UBE2E1: variants seen among roughly 807,000 people sequenced by gnomAD.
UBE2E1 encodes ubiquitin-conjugating enzyme E2 E1.
A neutral mutation model predicts 21.4 loss-of-function variants in UBE2E1; 6 were observed. The observed-to-expected ratio is 0.28, with a 90% CI of 0.15 to 0.55. The LOEUF (loss-of-function observed/expected upper bound fraction) is 0.55. Among genes scored for constraint, UBE2E1 ranks in the 20% least tolerant of loss-of-function variants. UBE2E1 has a pLI of 0.93. For synonymous variants in UBE2E1, 87 were observed against 82.7 expected (o/e 1.05, Z -0.28); for missense variants, 142 against 236.5 (o/e 0.60, Z 2.62).
intron 3 of UBE2E1, among the ~76,000 whole-genome samples, chr3:23,822,629 G>T (rs946131735): frequency 1.3e-5 from 2 of 152,112 alleles, no homozygotes; most frequent in Non-Finnish European, 2.9e-5. Context: ...TTCAAGACTT[G>T]GTTTGAAATT....
intron 3 of UBE2E1, among the ~76,000 whole-genome samples, chr3:23,824,065 G>A (rs1399220867): frequency 2.0e-5 from 3 of 152,230 alleles, no homozygotes; most frequent in Admixed American, 2.0e-4. Flanking sequence ...ATTTGAAGTT[G>A]TTGCCATTTT....
chr3:23,810,450 C>G lies in UBE2E1; in HGVS notation c.153-1010C>G. 6.5e-7 allele frequency: 1 copy of G among 1,535,618 alleles called. No individual in the cohort carries two copies. The highest frequency in any genetic ancestry group is 8.7e-7 in the Non-Finnish European group (1 of 1,146,606). ...AGAAAACTGCAGGTCTCCAGTCTAT[C>G]CCCAGTGTGAGCTAGAGAGCGGACC... On this transcript the variant is annotated intron_variant, in intron 2 of 5. Coordinates refer to ENST00000306627, the MANE Select transcript of UBE2E1 (RefSeq NM_003341.5). The surrounding 1 kb of genome is among the most constrained non-coding windows in gnomAD (Gnocchi z 5.8).
chr3:23,884,289 C>CA (rs1454977606), intron 3 of UBE2E1, among the ~76,000 whole-genome samples: 1 of 152,170 alleles, frequency 6.6e-6, no homozygotes, highest in Non-Finnish European at 1.5e-5. Flanking sequence ...GATAAGCTAT[C>CA]ACAGGTGACA....
intron 3 of UBE2E1, among the ~76,000 whole-genome samples, chr3:23,849,388 G>A (rs936652378): frequency 6.6e-6 from 1 of 152,120 alleles, no homozygotes; most frequent in African/African-American, 2.4e-5. Context: ...TGTGCAGAAT[G>A]TGCAGGTTTG....
intron 3 of UBE2E1, among the ~76,000 whole-genome samples, chr3:23,877,662 TG>T (rs984285050): frequency 6.6e-6 from 1 of 152,058 alleles, no homozygotes; most frequent in African/African-American, 2.4e-5. Flanking sequence ...TATGGGTGTT[TG>T]GGGGGGTTTG....
intron 3 of UBE2E1, among the ~76,000 whole-genome samples, chr3:23,865,964 C>T (rs1482375905): frequency 3.3e-5 from 5 of 152,142 alleles, no homozygotes; most frequent in Admixed American, 6.5e-5. Flanking sequence ...TTGTCTACTG[C>T]TCAGCTAGAA....
intron 3 of UBE2E1, among the ~76,000 whole-genome samples, chr3:23,832,393 C>T (rs933769415): frequency 1.3e-5 from 2 of 152,106 alleles, no homozygotes; most frequent in African/African-American, 4.8e-5. Context: ...GCCTGTAATC[C>T]CAGCACTTTG....
intron 3 of UBE2E1, among the ~76,000 whole-genome samples, chr3:23,834,039 A>G (rs561293308): frequency 6.6e-6 from 1 of 152,348 alleles, no homozygotes; most frequent in Non-Finnish European, 1.5e-5. Context: ...CAACAGTGCA[A>G]AAAAGCCTTA....
intron 4 of UBE2E1, among the ~76,000 whole-genome samples, chr3:23,888,016 A>G (rs894532681): frequency 1.3e-5 from 2 of 152,172 alleles, no homozygotes; most frequent in Non-Finnish European, 2.9e-5. Flanking sequence ...GAGGTTAAAA[A>G]TGGTGTCAAG....
At chr3:23,862,427 T>C (rs1700577346) in intron 3 of UBE2E1, among the ~76,000 whole-genome samples, 1 of 152,224 alleles carries the variant, frequency 6.6e-6, no homozygotes, top group African/African-American at 2.4e-5. Context: ...CAGTTTTCCA[T>C]AGAATACATT....
At chr3:23,890,100 T>C (rs1164428750) in intron 5 of UBE2E1, among the ~76,000 whole-genome samples, 1 of 152,162 alleles carries the variant, frequency 6.6e-6, no homozygotes, top group African/African-American at 2.4e-5. Context: ...CCCCGAAGAC[T>C]TCACAGTATT....
At chr3:23,824,157 A>T (rs997165513) in intron 3 of UBE2E1, among the ~76,000 whole-genome samples, 1 of 152,176 alleles carries the variant, frequency 6.6e-6, no homozygotes, top group Non-Finnish European at 1.5e-5. Flanking sequence ...ATTTACCTGT[A>T]TTGGGAGGAA....
At chr3:23,807,578 T>C in intron 2 of UBE2E1, 157 bp downstream of exon 2, 1 of 864,058 alleles carries the variant, frequency 1.2e-6, no homozygotes, top group Non-Finnish European at 1.6e-6. Context: ...TTATTTTCTC[T>C]ATTGCTGCTT....
chr3:23,837,884 C>T (rs752910168), intron 3 of UBE2E1, among the ~76,000 whole-genome samples: 13 of 152,200 alleles, frequency 8.5e-5, no homozygotes, highest in Non-Finnish European at 1.6e-4. Context: ...GAAATCTTGA[C>T]CATGCTGTTG....
chr3:23,852,055 G>A (rs572093678), intron 3 of UBE2E1, among the ~76,000 whole-genome samples: 1 of 152,274 alleles, frequency 6.6e-6, no homozygotes, highest in Non-Finnish European at 1.5e-5. Flanking sequence ...TTCCTGTCAT[G>A]TCACATGCCT....
chr3:23,839,259 C>G (rs1303178341), intron 3 of UBE2E1, among the ~76,000 whole-genome samples: 1 of 151,822 alleles, frequency 6.6e-6, no homozygotes, highest in Non-Finnish European at 1.5e-5. Flanking sequence ...GTCAGGAGAT[C>G]GAGACCATCC....
chr3:23,845,137 G>A lies in UBE2E1; in HGVS notation c.203+33627G>A, dbSNP rs114042115. 2.8e-3 allele frequency among the ~76,000 whole-genome samples: 423 copies of A among 152,214 alleles called. 2 individuals carry two copies. The highest frequency in any genetic ancestry group is 9.5e-3 in the African/African-American group (394 of 41,520). On this transcript the variant is annotated intron_variant, in intron 3 of 5. Coordinates refer to ENST00000306627, the MANE Select transcript of UBE2E1 (RefSeq NM_003341.5). ...ACTATACAATGAAGAAAGAAAATGC[G>A]ACCCACAGGCCAGGAAGGATTTCCT...
At chr3:23,864,299 C>T (rs1700610507) in intron 3 of UBE2E1, among the ~76,000 whole-genome samples, 1 of 152,004 alleles carries the variant, frequency 6.6e-6, no homozygotes, top group African/African-American at 2.4e-5. Context: ...TTGTGTAGGT[C>T]AGTTTTCCTC....
chr3:23,826,493 A>G (rs1164446193), intron 3 of UBE2E1, among the ~76,000 whole-genome samples: 1 of 152,210 alleles, frequency 6.6e-6, no homozygotes, highest in African/African-American at 2.4e-5. Context: ...ACAACAGCAA[A>G]TGACACAGCA....
Sources: allele counts gnomAD v4.1 joint callset (sites outside exome capture counted in the v4.1 genomes callset), GRCh38; gene constraint gnomAD v4.1.1; non-coding constraint Gnocchi (gnomAD v3.1); transcripts MANE v1.5; gene names NCBI Gene and HGNC (gene_info 2026-07-23, HGNC 2026-07-21).